Variants in CFAP92 observed in about 807,000 individuals in gnomAD.
CFAP92 encodes uncharacterized protein CFAP92.
A neutral mutation model predicts 106.3 loss-of-function variants in CFAP92; 86 were observed. The ratio of observed to expected loss-of-function variants is 0.81; its 90% confidence interval spans 0.68 to 0.97. The LOEUF (loss-of-function observed/expected upper bound fraction) is 0.97. Among genes scored for constraint, CFAP92 ranks in the 50% least tolerant of loss-of-function variants. The pLI, the probability that CFAP92 is intolerant of heterozygous loss-of-function variation, is 0.00. For missense variants in CFAP92, 1,204 were observed against 1,283.8 expected (o/e 0.94, Z 0.95); for synonymous variants, 477 against 506.4 (o/e 0.94, Z 0.78).
At chr3:129,006,535 C>T (rs1301151065), upstream of CFAP92, among the ~76,000 whole-genome samples, 1 of 152,182 alleles carries the variant, frequency 6.6e-6, no homozygotes, top group Admixed American at 6.5e-5. Context: ...AGTCTGGTCT[C>T]AAACACCTGA....
chr3:128,973,324 G>A lies in CFAP92; in HGVS notation c.1022-1891C>T, dbSNP rs556410679. Among the ~76,000 whole-genome samples the A allele has an allele frequency of 4.6e-5, 7 of 152,298 alleles. No individual in the cohort carries two copies. In the South Asian group the frequency reaches 1.4e-3, roughly 32 times the overall value. On this transcript the variant is annotated intron_variant, in intron 7 of 15. Coordinates refer to ENST00000645291, the MANE Select transcript of CFAP92 (RefSeq NM_001394090.1). ...CTAAACCATGCCCGTGCAGACCGGG[G>A]AGAACAGCAATCCTCAGGACTGCAA...
intron 12 of CFAP92, 33 bp downstream of exon 12, chr3:128,932,667 G>A (rs1938528815): frequency 4.0e-6 from 6 of 1,513,950 alleles, no homozygotes; most frequent in Non-Finnish European, 5.3e-6. Context: ...GGTGAGGCCT[G>A]GGAACCCCAA....
intron 2 of CFAP92, among the ~76,000 whole-genome samples, chr3:128,989,711 G>A (rs11711812): frequency 0.68 from 103,210 of 152,180 alleles, 36,724 homozygotes; most frequent in African/African-American, 0.92. Flanking sequence ...AAACATGACT[G>A]TCTTTAAAGC....
intron 10 of CFAP92, among the ~76,000 whole-genome samples, chr3:128,942,967 C>T (rs1481088858): frequency 3.0e-5 from 4 of 135,086 alleles, no homozygotes; most frequent in African/African-American, 1.2e-4. Context: ...GTCACCCAGG[C>T]TGGAGTGCAG....
chr3:128,986,369 A>G (rs1943858222), intron 4 of CFAP92, among the ~76,000 whole-genome samples: 1 of 152,040 alleles, frequency 6.6e-6, no homozygotes, highest in African/African-American at 2.4e-5. Context: ...CCTTCCAAGA[A>G]GCTAGAATTA....
At chr3:128,942,916 C>CT (rs36073693) in intron 10 of CFAP92, among the ~76,000 whole-genome samples, 14,087 of 85,048 alleles carry the variant, frequency 0.17, 2,323 homozygotes, top group East Asian at 0.44. Flanking sequence ...AAAACTCAAC[C>CT]TTTTTTTTTT....
chr3:128,964,760 A>G (rs1474777598), intron 9 of CFAP92, among the ~76,000 whole-genome samples: 1 of 151,888 alleles, frequency 6.6e-6, no homozygotes, highest in Admixed American at 6.6e-5. Context: ...ACATCCCCAC[A>G]ATATCACCCC....
At chr3:128,920,605 G>GGCAGGGCTT (rs1216867479) in intron 12 of CFAP92, among the ~76,000 whole-genome samples, 2 of 152,148 alleles carry the variant, frequency 1.3e-5, no homozygotes, top group African/African-American at 4.8e-5. Context: ...AAAAGGCTGA[G>GGCAGGGCTT]GCAGGGCTTG....
intron 12 of CFAP92, among the ~76,000 whole-genome samples, chr3:128,927,999 T>C (rs1373558976): frequency 1.3e-5 from 2 of 152,186 alleles, no homozygotes; most frequent in African/African-American, 4.8e-5. Context: ...AAGCCTGTAA[T>C]CCCAGCACTT....
At chr3:129,009,060 G>C in the CFAP92 span, among the ~76,000 whole-genome samples, 1 of 152,040 alleles carries the variant, frequency 6.6e-6, no homozygotes, top group East Asian at 1.9e-4. Context: ...GCTTCATGTG[G>C]AAAATTTGAC....
At position 128,935,262 on chromosome 3, in the gene CFAP92, G is replaced by A. The variant is rs771546801; in HGVS notation, c.2316C>T (p.Phe772=). The change falls in exon 11 of 16, where the codon TTC becomes TTT. Residue 772 remains phenylalanine, a synonymous_variant. Transcript: ENST00000645291. ...YKVLYNSQLL[F]RSRLYGDLEA... is the part of the protein sequence containing the mutation. ...CCAGGTCCCCATAGAGCCGGCTGCG[G>A]AACAGCAGCTGTGAGTTGTACAGCA... The A allele has an allele frequency of 1.3e-6, 2 of 1,536,012 alleles. No individual in the cohort carries two copies. The highest frequency in any genetic ancestry group is 2.4e-5 in the South Asian group (2 of 84,048).
chr3:128,971,425 T>C lies in CFAP92; in HGVS notation c.1030A>G (p.Lys344Glu). Residue 344 changes from lysine (K) to glutamate (E), a missense_variant, in exon 8 of 16, where the codon AAA (lysine) becomes GAA (glutamate). Coordinates refer to ENST00000645291, the MANE Select transcript of CFAP92 (RefSeq NM_001394090.1). Reference protein sequence around the residue: ...LDRQRSQIKGKDSEGRRKIQR... With the variant: ...LDRQRSQIKGEDSEGRRKIQR... ...ATTTTCCTTCTTCCCTCTGAATCTTTCCCTTTAACTGTGAAATCAAACAAA... is the reference window on the plus strand; with the variant it reads ...ATTTTCCTTCTTCCCTCTGAATCTTCCCCTTTAACTGTGAAATCAAACAAA... The C allele has an allele frequency of 6.2e-7, 1 of 1,604,762 alleles. No individual in the cohort carries two copies. The highest frequency in any genetic ancestry group is 8.5e-7 in the Non-Finnish European group (1 of 1,175,756).
chr3:128,991,725 C>T, intron 2 of CFAP92: 3 of 1,017,444 alleles, frequency 2.9e-6, no homozygotes, highest in Non-Finnish European at 3.5e-6. Context: ...GCATGTTGCT[C>T]CACACCGCCT....
intron 12 of CFAP92, among the ~76,000 whole-genome samples, chr3:128,922,446 G>A (rs1428750369): frequency 6.6e-6 from 1 of 152,208 alleles, no homozygotes; most frequent in Non-Finnish European, 1.5e-5. Flanking sequence ...CACAAAACTA[G>A]GAAGCAGCAC....
At position 128,945,892 on chromosome 3, in the gene CFAP92, G is replaced by A. The variant is rs548198089; in HGVS notation, c.1437C>T (p.His479=). Residue 479 remains histidine (H), a synonymous_variant, in exon 10 of 16, where the codon CAC becomes CAT. Transcript: ENST00000645291. ...HKTKGEPHGT[H]VYFQDINVIF... ...TGACGTTGATGTCCTGGAAATAAAC[G>A]TGGGTTCCATGGGGCTCCCCCTTGG... 69 of 1,467,922 alleles carry A rather than the reference G, an allele frequency of 4.7e-5. No homozygotes were observed. In the African/African-American group the frequency reaches 9.1e-4, roughly 19 times the overall value. 90.9% of individuals were successfully genotyped at this position (1,467,922 alleles called of 1,614,324 possible).
Position 128,988,837 on chromosome 3 carries a change from C to T in CFAP92, c.344G>A (p.Arg115His), listed in dbSNP as rs745995432. ...AAGGAAATACTCAATGTGGTAAAAA[C>T]GACGCATCTTTGTAACAGAACTGTC... ...KTDSSVTKMR[R>H]FYHIEYFLLP... is the part of the protein sequence containing the mutation. Residue 115 changes from arginine (R) to histidine (H), a missense_variant, in exon 3 of 16, where the codon CGT becomes CAT. By Grantham distance (29) the Arg-to-His change is conservative (BLOSUM62 0). Coordinates refer to ENST00000645291, the MANE Select transcript of CFAP92 (RefSeq NM_001394090.1). 2.5e-6 allele frequency: 4 copies of T among 1,613,700 alleles called. No individual in the cohort carries two copies. Among genetic ancestry groups the T allele is most frequent in the South Asian group, 2.2e-5 (2 of 91,068 alleles).
In CFAP92 at chr3:128,910,447, T is replaced by A. The variant is rs538289686; in HGVS notation, c.3281-114A>T. The stretch of plus-strand genomic sequence containing the variant: ...GCTGGAGGGAGGCGGGTGCAGTCTC[T>A]GAGGACCCACTGTATACCAGGATCT... On this transcript the variant is annotated intron_variant, in intron 15 of 15. Transcript: ENST00000645291. 2,831 of 1,051,748 alleles carry A rather than the reference T, an allele frequency of 2.7e-3. 20 individuals carry two copies. Among genetic ancestry groups the A allele is most frequent in the Non-Finnish European group, 2.5e-3 (1,864 of 742,782 alleles). 65.2% of individuals were successfully genotyped at this position (1,051,748 alleles called of 1,614,324 possible).
chr3:128,930,426 C>T (rs1027299632), intron 12 of CFAP92, among the ~76,000 whole-genome samples: 3 of 152,068 alleles, frequency 2.0e-5, no homozygotes, highest in African/African-American at 7.2e-5. Context: ...GCTGGGATTA[C>T]AGGTGTGAGT....
chr3:128,978,411 A>C, intron 4 of CFAP92: 1 of 386,622 alleles, frequency 2.6e-6, no homozygotes, highest in South Asian at 5.5e-5. Flanking sequence ...CTAAAAAAAA[A>C]TGTACATACC....
Sources: allele counts gnomAD v4.1 joint callset (sites outside exome capture counted in the v4.1 genomes callset), GRCh38; gene constraint gnomAD v4.1.1; transcripts MANE v1.5; gene names NCBI Gene and HGNC (gene_info 2026-07-23, HGNC 2026-07-21).